TARS2: variants seen among roughly 807,000 people sequenced by gnomAD.
TARS2 encodes threonyl-tRNA synthetase 2, mitochondrial.
In TARS2, 61 loss-of-function variants were observed where a neutral mutation model predicts 94.4. The observed-to-expected ratio is 0.65, with a 90% confidence interval of 0.53 to 0.80. The LOEUF (loss-of-function observed/expected upper bound fraction) is 0.80. Among genes scored for constraint, TARS2 ranks in the 30% least tolerant of loss-of-function variants. TARS2 has a pLI of 0.00. For missense variants in TARS2, 704 were observed against 902.5 expected, an observed-to-expected ratio of 0.78 and a Z score of 2.82; for synonymous variants, 359 against 353.4, an observed-to-expected ratio of 1.02 and a Z score of -0.18.
rs587694786 is a variant in TARS2 at position 150,487,515 on chromosome 1, C to A, written c.65C>A (p.Thr22Lys). Residue 22 changes from threonine (T) to lysine (K), a missense_variant and splice_region_variant, in exon 1 of 18, where the codon ACG becomes AAG. Physicochemically the swap from Thr to Lys is moderately conservative, Grantham distance 78 (BLOSUM62 -1). Transcript: ENST00000369064. ...GGTTTACAGGCTTGCAGGCTACACACGGTGCGTGAGGCACCCCCAAAGCTC... is the reference window on the plus strand; with the variant it reads ...GGTTTACAGGCTTGCAGGCTACACAAGGTGCGTGAGGCACCCCCAAAGCTC... ...LQGLQACRLH[T>K]AVVSTPPRWL... 1.9e-6 allele frequency: 3 copies of A among 1,614,228 alleles called. No individual in the cohort carries two copies. The Admixed American group carries it at 5.0e-5, about 27-fold the overall frequency.
chr1:150,503,553 G>T (rs587694669), intron 13 of TARS2, among the ~76,000 whole-genome samples: 1 of 87,046 alleles, frequency 1.1e-5, no homozygotes, highest in Non-Finnish European at 2.4e-5. Context: ...ATATGTGTGT[G>T]TGTGTGTGTG....
intron 3 of TARS2, among the ~76,000 whole-genome samples, chr1:150,489,590 GA>G (rs1009805733): frequency 1.3e-5 from 2 of 152,012 alleles, no homozygotes; most frequent in African/African-American, 4.8e-5. Context: ...TCGTGGGACA[GA>G]AAAAAATAGG....
chr1:150,504,166 TGAGTA>T (rs1231640182), intron 13 of TARS2, among the ~76,000 whole-genome samples, 164 bp from the exon 14 acceptor site: 5 of 152,008 alleles, frequency 3.3e-5, no homozygotes, highest in East Asian at 3.8e-4. Context: ...CAGAGTGAGT[TGAGTA>T]GAGTGAACTG....
At chr1:150,492,330 T>C (rs766280756) in intron 6 of TARS2, 81 bp from the exon 7 acceptor site, 144 of 1,413,966 alleles carry the variant, frequency 1.0e-4, no homozygotes, top group Non-Finnish European at 1.4e-4. Context: ...TCACCTCTTC[T>C]GTCAGCTAAA....
chr1:150,503,659 GTGTGTA>G (rs1670058156), intron 13 of TARS2, among the ~76,000 whole-genome samples: 1 of 149,630 alleles, frequency 6.7e-6, no homozygotes, highest in Non-Finnish European at 1.5e-5. Flanking sequence ...GTGTATATAT[GTGTGTA>G]TATATGTGTG....
intron 1 of TARS2, 38 bp downstream of exon 1, chr1:150,487,554 A>G (rs1669204943): frequency 1.2e-6 from 2 of 1,613,400 alleles, no homozygotes; most frequent in East Asian, 2.2e-5. Context: ...TCCGCATCAG[A>G]CTTAGCCCAG....
chr1:150,498,212 C>T (rs587693528), intron 10 of TARS2, among the ~76,000 whole-genome samples: 4 of 152,276 alleles, frequency 2.6e-5, no homozygotes, highest in Admixed American at 6.5e-5. Flanking sequence ...CTTTAGGTCT[C>T]AGTCTCCTTA....
At chr1:150,492,349 G>GA (rs1669434328) in intron 6 of TARS2, 62 bp from the exon 7 acceptor site, 3 of 1,539,696 alleles carry the variant, frequency 1.9e-6, no homozygotes, top group Non-Finnish European at 2.7e-6. Flanking sequence ...AAGACCATGA[G>GA]AGGGAGAAAG....
rs760921626 is a variant in TARS2, at chr1:150,499,023, C to T, written c.1528C>T (p.Gln510Ter). 2 of 1,614,128 alleles carry T rather than the reference C, an allele frequency of 1.2e-6. No homozygotes were observed. The highest frequency in any genetic ancestry group is 1.1e-5 in the South Asian group (1 of 91,082). Residue 510 changes from glutamine to a stop codon, truncating the protein, a stop_gained, in exon 12 of 18, where the codon CAG becomes TAG. Transcript: ENST00000369064. LOFTEE classifies it high-confidence loss of function. ...GFLGDPCLWDQAEQVLKQALK... is the reference protein window; with the variant it reads ...GFLGDPCLWD ...CCTGGGGGACCCTTGCCTTTGGGAC[C>T]AGGCCGAACAGGTGAGTAGGAGGTA...
chr1:150,491,668 A>AGT lies in TARS2; in HGVS notation c.695+7_695+8dup. The AGT allele has an allele frequency of 6.2e-7, 1 of 1,614,138 alleles. No homozygotes were observed. The highest frequency in any genetic ancestry group is 1.1e-5 in the South Asian group (1 of 91,070). ...CCAACAGCAACAGTATATGGGTAAG[A>AGT]GTTGTCAAGATTAAGGCAAACAGAG... On this transcript the variant is annotated splice_region_variant and intron_variant, in intron 6 of 17. Transcript: ENST00000369064.
At chr1:150,499,059 G>A (rs777608828) in intron 12 of TARS2, 25 bp downstream of exon 12, 27 of 1,613,964 alleles carry the variant, frequency 1.7e-5, no homozygotes, top group Admixed American at 1.5e-4. Context: ...GAGAAATAGA[G>A]GCAGATAAAC....
intron 3 of TARS2, 126 bp from the exon 4 acceptor site, chr1:150,490,475 T>A: frequency 7.2e-7 from 1 of 1,382,784 alleles, no homozygotes. Context: ...GGATCCCCAT[T>A]TTGTGGTAGT....
chr1:150,491,531 T>A lies in TARS2; in HGVS notation c.630+20T>A, dbSNP rs1392100540. On this transcript the variant is annotated intron_variant, in intron 5 of 17. Coordinates refer to ENST00000369064, the MANE Select transcript of TARS2 (RefSeq NM_025150.5). ...TTCAAGGTGGGGTGGAGGGAAGAGG[T>A]GGCTCTTCCAGGACATCTTTGTGGG... 2.5e-6 allele frequency: 4 copies of A among 1,612,666 alleles called. No homozygotes were observed. Among genetic ancestry groups the A allele is most frequent in the Middle Eastern group, 1.7e-4 (1 of 6,054 alleles).
intron 13 of TARS2, among the ~76,000 whole-genome samples, chr1:150,499,833 A>G (rs1345282520): frequency 1.3e-5 from 2 of 152,026 alleles, no homozygotes; most frequent in Non-Finnish European, 2.9e-5. Flanking sequence ...TGGGGTTAGC[A>G]TTACTCGGGG....
chr1:150,488,097 C>A, intron 2 of TARS2, 43 bp downstream of exon 2: 1 of 1,589,276 alleles, frequency 6.3e-7, no homozygotes, highest in East Asian at 2.2e-5. Flanking sequence ...TCCTTCTGCC[C>A]CTTTACTTTC....
chr1:150,503,294 G>C (rs971078743), intron 13 of TARS2, among the ~76,000 whole-genome samples: 5 of 152,134 alleles, frequency 3.3e-5, no homozygotes, highest in Non-Finnish European at 5.9e-5. Context: ...AGGGAAAATG[G>C]TACAGCTTCA....
At chr1:150,497,840 C>G in intron 10 of TARS2, 93 bp downstream of exon 10, 1 of 1,363,274 alleles carries the variant, frequency 7.3e-7, no homozygotes, top group Non-Finnish European at 9.9e-7. Context: ...GCCTGTAATC[C>G]CAACACTTTG....
intron 13 of TARS2, among the ~76,000 whole-genome samples, chr1:150,500,757 G>A (rs1669877628): frequency 6.6e-6 from 1 of 152,174 alleles, no homozygotes; most frequent in South Asian, 2.1e-4. Flanking sequence ...CCAGGAGGCG[G>A]AGGTTGCAGT....
Position 150,494,891 on chromosome 1 carries a change from G to GT in TARS2, c.775-1591_775-1590insT, listed in dbSNP as rs1669585266. On this transcript the variant is annotated intron_variant, in intron 7 of 17. Coordinates refer to ENST00000369064, the MANE Select transcript of TARS2 (RefSeq NM_025150.5). ...TCTCTACTAAAAATACAAAAAATTA[G>GT]CCAGGTGTGGCCGGGCGCAGTGGCT... is the stretch of plus-strand genomic sequence containing the variant. Among the ~76,000 whole-genome samples the GT allele has an allele frequency of 5.3e-5, 8 of 151,498 alleles. No homozygotes were observed. In the South Asian group the frequency reaches 8.4e-4, roughly 16 times the overall value.
Sources: gnomAD v4.1 joint callset for allele counts (sites outside exome capture counted in the v4.1 genomes callset) on GRCh38, gnomAD v4.1.1 for gene constraint, MANE v1.5 for transcripts, NCBI Gene and HGNC (gene_info 2026-07-23, HGNC 2026-07-21) for gene names.